The following RXRA variants were observed in gnomAD, a reference collection of about 807,000 sequenced individuals.
The protein encoded by RXRA is retinoic acid receptor RXR-alpha.
Under a neutral mutation model 44.5 loss-of-function variants are expected in RXRA, and 5 were observed. The ratio of observed to expected loss-of-function variants is 0.11; its 90% confidence interval spans 0.06 to 0.24. RXRA has a LOEUF of 0.24. Among genes scored for constraint, RXRA ranks in the 10% least tolerant of loss-of-function variants. The probability of loss-of-function intolerance (pLI) is 1.00; values close to 1 mark genes in which losing one functional copy is unlikely to be tolerated. For synonymous variants in RXRA, 291 were observed against 271.4 expected (o/e 1.07, Z -0.71); for missense variants, 412 against 646.5 (o/e 0.64, Z 3.93).
Position 134,387,084 on chromosome 9 carries a change from C to T in RXRA, c.29-14548C>T, listed in dbSNP as rs572440994. Reference sequence around the variant, plus strand: ...TGGGCCGCTGCTGTGGCTGCGGTGTCGGGTGGGTGAGAGGGGAGACATAGG... The same window carrying T: ...TGGGCCGCTGCTGTGGCTGCGGTGTTGGGTGGGTGAGAGGGGAGACATAGG... On this transcript the variant is annotated intron_variant, in intron 1 of 9. Coordinates refer to ENST00000481739, the MANE Select transcript of RXRA (RefSeq NM_002957.6). Among the ~76,000 whole-genome samples, 5 of 152,300 alleles carry T rather than the reference C, an allele frequency of 3.3e-5. No individual in the cohort carries two copies. The East Asian group carries it at 5.8e-4, about 18-fold the overall frequency.
intron 1 of RXRA, among the ~76,000 whole-genome samples, chr9:134,346,258 C>T (rs1440873433): frequency 6.6e-6 from 1 of 152,150 alleles, no homozygotes; most frequent in Admixed American, 6.5e-5. Context: ...TTGCCCTGCC[C>T]TCCCTGCCCT....
chr9:134,399,369 C>T (rs1270274368), intron 1 of RXRA, among the ~76,000 whole-genome samples: 1 of 152,226 alleles, frequency 6.6e-6, no homozygotes, highest in African/African-American at 2.4e-5. Flanking sequence ...GTGGTAGCTT[C>T]TCCAAGAGTT....
At chr9:134,423,989 G>A in intron 6 of RXRA, 3 of 985,440 alleles carry the variant, frequency 3.0e-6, no homozygotes, top group African/African-American at 1.7e-5. Flanking sequence ...GAGTCGGGTT[G>A]GATGGCTGTG....
intron 8 of RXRA, among the ~76,000 whole-genome samples, chr9:134,432,591 G>A (rs375560169): frequency 2.6e-5 from 4 of 152,228 alleles, no homozygotes; most frequent in African/African-American, 4.8e-5. Context: ...CTACTCCTTC[G>A]CCCAACAAGT....
rs1830197611 is a variant in RXRA, at chr9:134,349,677, T to C, written c.28+23018T>C. 6.6e-6 allele frequency among the ~76,000 whole-genome samples: 1 copy of C among 152,054 alleles called. No homozygotes were observed. The highest frequency in any genetic ancestry group is 1.5e-5 in the Non-Finnish European group (1 of 67,974). On this transcript the variant is annotated intron_variant, in intron 1 of 9. Transcript: ENST00000481739. This position sits in a 1 kb window ranked among gnomAD's most constrained non-coding sequence, Gnocchi z 4.3. ...CCTGTGTGCCTGCTGACTTGTCTCA[T>C]GAGGTTTGGGGACTTTAGTTCAAGC... is the stretch of plus-strand genomic sequence containing the variant.
intron 1 of RXRA, among the ~76,000 whole-genome samples, chr9:134,338,313 A>G (rs1184282791): frequency 1.3e-5 from 2 of 152,222 alleles, no homozygotes; most frequent in Non-Finnish European, 2.9e-5. Context: ...GCCGTGGGAC[A>G]TGGTTTCTAA....
chr9:134,380,886 C>A (rs1238234172), intron 1 of RXRA, among the ~76,000 whole-genome samples: 2 of 152,024 alleles, frequency 1.3e-5, no homozygotes, highest in East Asian at 3.8e-4. Context: ...CCGGATCCCC[C>A]CCTGTCAATC....
At position 134,417,346 on chromosome 9, in the gene RXRA, AG is replaced by A. The variant is rs1346572871; in HGVS notation, c.780+23del. Reference sequence around the variant, plus strand: ...CAGCTCGGTGAGTTGCAGCCTGTGCAGGGGTGGGCAGCCTCACATGCCTCAG... The same window carrying A: ...CAGCTCGGTGAGTTGCAGCCTGTGCAGGGTGGGCAGCCTCACATGCCTCAG... On this transcript the variant is annotated intron_variant, in intron 5 of 9. Transcript: ENST00000481739. This position sits in a 1 kb window ranked among gnomAD's most constrained non-coding sequence, Gnocchi z 6.1. 6.2e-7 allele frequency: 1 copy of A among 1,608,430 alleles called. No homozygotes were observed. The highest frequency in any genetic ancestry group is 1.1e-5 in the South Asian group (1 of 90,946).
At chr9:134,429,879 G>A (rs1831502096) in intron 7 of RXRA, among the ~76,000 whole-genome samples, 1 of 152,054 alleles carries the variant, frequency 6.6e-6, no homozygotes, top group African/African-American at 2.4e-5. Flanking sequence ...CCTTGTCCCT[G>A]TCTCTGCACA....
intron 6 of RXRA, chr9:134,424,505 T>C: frequency 1.0e-6 from 1 of 985,478 alleles, no homozygotes; most frequent in South Asian, 4.7e-5. Flanking sequence ...TGAAGCTGCA[T>C]TTCCGGCATG....
chr9:134,367,472 C>T (rs1165358118), intron 1 of RXRA, among the ~76,000 whole-genome samples: 1 of 152,220 alleles, frequency 6.6e-6, no homozygotes, highest in African/African-American at 2.4e-5. Context: ...GTGCCAGGGC[C>T]CGCTGTGTGC....
chr9:134,348,212 A>G lies in RXRA; in HGVS notation c.28+21553A>G, dbSNP rs545096969. On this transcript the variant is annotated intron_variant, in intron 1 of 9. Transcript: ENST00000481739. ...AGGACCCCTGGCAGGTTACAAGAGC[A>G]GTGTGCATTGAATGCCAGAGCTCTG... Among the ~76,000 whole-genome samples the G allele has an allele frequency of 2.0e-5, 3 of 152,302 alleles. No individual in the cohort carries two copies. The East Asian group carries it at 5.8e-4, about 29-fold the overall frequency.
intron 1 of RXRA, among the ~76,000 whole-genome samples, chr9:134,374,618 G>C (rs546614054): frequency 5.9e-5 from 9 of 152,224 alleles, no homozygotes; most frequent in Non-Finnish European, 1.3e-4. Context: ...AGCAAATGCC[G>C]TTCCCTCTGT....
At chr9:134,403,910 G>C (rs554145415) in intron 2 of RXRA, 3 of 152,280 alleles carry the variant, frequency 2.0e-5, no homozygotes, top group African/African-American at 7.2e-5. Context: ...TGTTGGCGTC[G>C]GTCTGCCGTT....
chr9:134,397,465 C>A (rs1830896999), intron 1 of RXRA, among the ~76,000 whole-genome samples: 1 of 151,970 alleles, frequency 6.6e-6, no homozygotes, highest in Non-Finnish European at 1.5e-5. Context: ...CTCCAGGTAT[C>A]TGCACTTTAG....
At chr9:134,379,863 G>A (rs1245368235) in intron 1 of RXRA, 1 of 985,126 alleles carries the variant, frequency 1.0e-6, no homozygotes, top group African/African-American at 1.7e-5. Flanking sequence ...CTGGGATCTG[G>A]CCTTGGCGGC....
Position 134,417,216 on chromosome 9 carries a change from C to T in RXRA, c.669C>T (p.Thr223=), listed in dbSNP as rs371715828. The T allele has an allele frequency of 5.0e-6, 8 of 1,613,610 alleles. No homozygotes were observed. The highest frequency in any genetic ancestry group is 6.8e-6 in the Non-Finnish European group (8 of 1,180,004). Residue 223 remains threonine (T), a synonymous_variant, in exon 5 of 10, where the codon ACC becomes ACT. Coordinates refer to ENST00000481739, the MANE Select transcript of RXRA (RefSeq NM_002957.6). This position sits in a 1 kb window ranked among gnomAD's most constrained non-coding sequence, Gnocchi z 6.1. ...GGAACGAGAATGAGGTGGAGTCGACCAGCAGCGCCAACGAGGACATGCCGG... is the reference window on the plus strand; with the variant it reads ...GGAACGAGAATGAGGTGGAGTCGACTAGCAGCGCCAACGAGGACATGCCGG... The part of the protein sequence containing the change: ...KDRNENEVES[T]SSANEDMPVE...
At chr9:134,422,706 T>G in intron 6 of RXRA, 1 of 985,360 alleles carries the variant, frequency 1.0e-6, no homozygotes, top group Non-Finnish European at 1.2e-6. Flanking sequence ...GGACCTCCTA[T>G]GTACTCTATG....
chr9:134,381,755 A>G (rs764623522), intron 1 of RXRA, among the ~76,000 whole-genome samples: 1 of 152,002 alleles, frequency 6.6e-6, no homozygotes, highest in Non-Finnish European at 1.5e-5. Flanking sequence ...GGCCCTGGTT[A>G]GGGCTTTGAA....
Sources: allele counts gnomAD v4.1 joint callset (sites outside exome capture counted in the v4.1 genomes callset), GRCh38; gene constraint gnomAD v4.1.1; non-coding constraint Gnocchi (gnomAD v3.1); transcripts MANE v1.5; gene names NCBI Gene and HGNC (gene_info 2026-07-23, HGNC 2026-07-21).